The following EYS variants were observed in gnomAD, a reference collection of about 807,000 sequenced individuals.
EYS encodes EGF-like photoreceptor maintenance factor, also known as protein eyes shut homolog.
EYS carries 250 observed loss-of-function variants against 282.1 expected under a neutral mutation model. That is an observed-to-expected ratio of 0.89 (90% CI 0.80 to 0.98). The LOEUF (loss-of-function observed/expected upper bound fraction) is 0.98. EYS is among the 50% of genes least tolerant of loss of function. The probability of loss-of-function intolerance (pLI) is 0.00; values close to 1 mark genes in which losing one functional copy is unlikely to be tolerated. For missense variants in EYS, 4,016 were observed against 3,709.0 expected, an observed-to-expected ratio of 1.08 and a Z score of -2.15; for synonymous variants, 1,355 against 1,282.9, an observed-to-expected ratio of 1.06 and a Z score of -1.20.
intron 22 of EYS, among the ~76,000 whole-genome samples, chr6:64,690,230 C>T (rs956133671): frequency 4.6e-5 from 7 of 152,020 alleles, no homozygotes; most frequent in Non-Finnish European, 7.4e-5. Context: ...TGAAAAAATG[C>T]TCATCATCAC....
At chr6:65,590,695 T>C (rs965068388) in intron 2 of EYS, among the ~76,000 whole-genome samples, 6 of 152,016 alleles carry the variant, frequency 3.9e-5, no homozygotes, top group Non-Finnish European at 8.8e-5. Context: ...AGATCAACTT[T>C]TGAAGATTCC....
chr6:63,848,672 T>C (rs898906596), intron 36 of EYS, among the ~76,000 whole-genome samples: 2 of 152,114 alleles, frequency 1.3e-5, no homozygotes, highest in Admixed American at 6.5e-5. Flanking sequence ...GCTTTTCCCA[T>C]GGTCTTCACA....
chr6:65,308,501 ATC>A (rs1769070735), intron 11 of EYS, among the ~76,000 whole-genome samples: 1 of 96,098 alleles, frequency 1.0e-5, no homozygotes, highest in Non-Finnish European at 2.0e-5. Flanking sequence ...AGTGAGAAAG[ATC>A]TCTGTTTTCA....
chr6:64,881,708 G>A (rs140181479), intron 19 of EYS, among the ~76,000 whole-genome samples: 35 of 151,782 alleles, frequency 2.3e-4, no homozygotes, highest in African/African-American at 7.2e-4. Flanking sequence ...TGCATTCTGC[G>A]TCCATTCATG....
chr6:65,224,657 T>C (rs950765992), intron 12 of EYS, among the ~76,000 whole-genome samples: 1 of 151,608 alleles, frequency 6.6e-6, no homozygotes, highest in Non-Finnish European at 1.5e-5. Context: ...CTAGATTGAC[T>C]AAAAAAAACA....
At chr6:64,488,592 G>A (rs1776645190) in intron 26 of EYS, among the ~76,000 whole-genome samples, 1 of 150,858 alleles carries the variant, frequency 6.6e-6, no homozygotes, top group Admixed American at 6.6e-5. Flanking sequence ...AACAAAGTCT[G>A]GGAAAATTCT....
rs140332821 is a variant in EYS, at chr6:64,673,859, A to C, written c.3444-47614T>G. On this transcript the variant is annotated intron_variant, in intron 22 of 42. Coordinates refer to ENST00000503581, the MANE Select transcript of EYS (RefSeq NM_001142800.2). ...GAAAAAGTAACAGTTAAATAAATAG[A>C]AACCTGTACTTTGCACTATTAGAAA... 2.3e-3 allele frequency among the ~76,000 whole-genome samples: 344 copies of C among 152,228 alleles called. 7 individuals are homozygous for C. In the East Asian group the frequency reaches 0.054, roughly 24 times the overall value.
chr6:63,871,383 G>GGGC (rs1366841684), intron 35 of EYS, among the ~76,000 whole-genome samples: 2 of 151,968 alleles, frequency 1.3e-5, no homozygotes, highest in Non-Finnish European at 2.9e-5. Flanking sequence ...ATCATCTGCT[G>GGGC]GGCGTGGTGA....
intron 33 of EYS, among the ~76,000 whole-genome samples, chr6:64,025,422 C>A (rs1484123525): frequency 1.3e-5 from 2 of 152,200 alleles, no homozygotes; most frequent in Non-Finnish European, 1.5e-5. Flanking sequence ...TCCTATCTAT[C>A]CTGACCCTTG....
chr6:65,140,860 G>A (rs1051587686), intron 12 of EYS, among the ~76,000 whole-genome samples: 20 of 147,882 alleles, frequency 1.4e-4, no homozygotes, highest in Non-Finnish European at 2.7e-4. Context: ...TGGAGAGGAT[G>A]TGGAGAAATA....
chr6:63,924,409 A>G (rs1270435507), intron 35 of EYS, among the ~76,000 whole-genome samples: 2 of 152,232 alleles, frequency 1.3e-5, no homozygotes, highest in East Asian at 3.8e-4. Context: ...GTGTAGTGGC[A>G]TGCAAGTGAT....
rs1765500944 is a variant in EYS, at chr6:65,598,677, A to G, written c.-333+41101T>C. On this transcript the variant is annotated intron_variant, in intron 2 of 42. Coordinates refer to ENST00000503581, the MANE Select transcript of EYS (RefSeq NM_001142800.2). ...GAAATTACATCCTGGTTTCTGTTCCATACTTGAGTAGACTACAGGCTTTCC... is the reference window on the plus strand; with the variant it reads ...GAAATTACATCCTGGTTTCTGTTCCGTACTTGAGTAGACTACAGGCTTTCC... Among the ~76,000 whole-genome samples the G allele has an allele frequency of 2.0e-5, 3 of 152,100 alleles. No individual in the cohort carries two copies. In the South Asian group the frequency reaches 6.2e-4, roughly 31 times the overall value.
chr6:65,095,992 GGAAGAATTAAACGTTTATCTGTTT>G (rs1774728946), intron 12 of EYS, among the ~76,000 whole-genome samples: 1 of 150,930 alleles, frequency 6.6e-6, no homozygotes, highest in South Asian at 2.1e-4. Flanking sequence ...AAATCAGAAA[GGAAGAATTAAACGTTTATCTGTTT>G]GGAGATGACA....
intron 13 of EYS, among the ~76,000 whole-genome samples, chr6:65,031,690 A>G (rs1046497142): frequency 1.8e-4 from 27 of 152,154 alleles, no homozygotes; most frequent in Admixed American, 1.7e-3. Flanking sequence ...TAATGAAAAC[A>G]AAGATATAAT....
intron 22 of EYS, among the ~76,000 whole-genome samples, chr6:64,710,430 G>T (rs190075271): frequency 2.6e-5 from 4 of 152,312 alleles, no homozygotes; most frequent in Admixed American, 6.5e-5. Context: ...CCTTTCATTA[G>T]CCACGGACCA....
At chr6:65,550,143 C>CTTTCTTTTTTTTTTTTTTTTTTT (rs1562254227) in intron 2 of EYS, among the ~76,000 whole-genome samples, 1 of 5,956 alleles carries the variant, frequency 1.7e-4, no homozygotes, top group Non-Finnish European at 2.5e-4. Flanking sequence ...TCTACTATAT[C>CTTTCTTTTTTTTTTTTTTTTTTT]TTTTTTTTTT....
chr6:64,766,645 A>AAC (rs1554201254), intron 22 of EYS, among the ~76,000 whole-genome samples: 3 of 37,090 alleles, frequency 8.1e-5, no homozygotes, highest in East Asian at 9.3e-4. Context: ...AAAAAAAAAA[A>AAC]AAAAATATAT....
chr6:64,398,262 A>G (rs750908068), intron 28 of EYS, among the ~76,000 whole-genome samples: 4 of 151,898 alleles, frequency 2.6e-5, no homozygotes, highest in African/African-American at 7.2e-5. Context: ...ACAGAAGGAG[A>G]GGGATTAAAT....
intron 12 of EYS, among the ~76,000 whole-genome samples, chr6:65,151,650 T>C (rs1206963444): frequency 6.6e-6 from 1 of 152,036 alleles, no homozygotes; most frequent in East Asian, 1.9e-4. Flanking sequence ...CTATAGCATG[T>C]TTCATTCTAA....
Sources: gnomAD v4.1 joint callset for allele counts (sites outside exome capture counted in the v4.1 genomes callset) on GRCh38, gnomAD v4.1.1 for gene constraint, MANE v1.5 for transcripts, NCBI Gene and HGNC (gene_info 2026-07-23, HGNC 2026-07-21) for gene names.